Variants in ZNRF1 observed in about 807,000 individuals in gnomAD.
ZNRF1 encodes the protein E3 ubiquitin-protein ligase ZNRF1.
A neutral mutation model predicts 18.4 loss-of-function variants in ZNRF1; 3 were observed. That is an observed-to-expected ratio of 0.16 (90% CI 0.07 to 0.42). The LOEUF is 0.42. Among genes scored for constraint, ZNRF1 ranks in the 10% least tolerant of loss-of-function variants. The pLI, the probability that ZNRF1 is intolerant of heterozygous loss-of-function variation, is 0.99. For missense variants in ZNRF1, 310 were observed against 329.8 expected, an observed-to-expected ratio of 0.94 and a Z score of 0.47; for synonymous variants, 157 against 144.2, an observed-to-expected ratio of 1.09 and a Z score of -0.64.
chr16:75,080,943 G>T (rs1372541239), intron 1 of ZNRF1, among the ~76,000 whole-genome samples: 3 of 152,100 alleles, frequency 2.0e-5, no homozygotes, highest in South Asian at 4.1e-4. Flanking sequence ...GGAGGCCAAG[G>T]TGGGCGGATC....
At chr16:75,106,318 C>T in intron 3 of ZNRF1, 164 bp from the exon 4 acceptor site, 1 of 670,874 alleles carries the variant, frequency 1.5e-6, no homozygotes, top group South Asian at 1.8e-5. Context: ...CTTCTTCGTG[C>T]TTCAGAAAGT....
intron 1 of ZNRF1, among the ~76,000 whole-genome samples, chr16:75,057,310 A>G (rs1211401012): frequency 6.6e-6 from 1 of 152,198 alleles, no homozygotes; most frequent in Non-Finnish European, 1.5e-5. Context: ...AGATGGTGAC[A>G]GTTTTGTTTT....
intron 1 of ZNRF1, among the ~76,000 whole-genome samples, chr16:75,023,545 G>A (rs566731476): frequency 3.3e-5 from 5 of 152,092 alleles, no homozygotes; most frequent in Admixed American, 6.6e-5. Flanking sequence ...TTAGTTGGGC[G>A]TGGTGGCAGG....
intron 1 of ZNRF1, among the ~76,000 whole-genome samples, chr16:75,055,140 A>G (rs1301404298): frequency 6.6e-6 from 1 of 152,210 alleles, no homozygotes. Flanking sequence ...TGCTGCATTG[A>G]TGCAGGGAGT....
chr16:75,040,299 G>T (rs1341338147), intron 1 of ZNRF1, among the ~76,000 whole-genome samples: 1 of 151,660 alleles, frequency 6.6e-6, no homozygotes, highest in East Asian at 1.9e-4. Flanking sequence ...CTGCCACCTA[G>T]GCTGGAGTAC....
intron 1 of ZNRF1, among the ~76,000 whole-genome samples, chr16:75,005,600 C>T (rs549409449): frequency 5.3e-5 from 8 of 152,180 alleles, no homozygotes; most frequent in Non-Finnish European, 1.0e-4. Flanking sequence ...CGTTCCAATA[C>T]CCACAGTGGA....
chr16:75,104,703 A>C (rs562314601), intron 2 of ZNRF1, 81 bp from the exon 3 acceptor site: 4 of 1,253,276 alleles, frequency 3.2e-6, no homozygotes, highest in Non-Finnish European at 4.5e-6. Context: ...GCAGTCCCCT[A>C]GTTCCTAGGC....
intron 1 of ZNRF1, among the ~76,000 whole-genome samples, chr16:75,079,361 T>G (rs1468457551): frequency 6.6e-6 from 1 of 152,136 alleles, no homozygotes; most frequent in African/African-American, 2.4e-5. Flanking sequence ...ACGCCTATAG[T>G]CCCAGCTACT....
Position 74,999,633 on chromosome 16 carries a change from C to A in ZNRF1, c.-39C>A. On this transcript the variant is annotated 5_prime_UTR_variant, in exon 1 of 5. Coordinates refer to ENST00000335325, the MANE Select transcript of ZNRF1 (RefSeq NM_032268.5). ...GCTGCTGAGAAGTGGGGGAGGGTCT[C>A]GGCCTCCAGGTTCCCGCCCCACCGG... 2 of 1,312,180 alleles carry A rather than the reference C, an allele frequency of 1.5e-6. No individual in the cohort carries two copies. The highest frequency in any genetic ancestry group is 1.9e-6 in the Non-Finnish European group (2 of 1,031,978). The allele number at this position is 1,312,180 out of a possible 1,614,324, so 81.3% of individuals were successfully genotyped here.
At chr16:75,034,508 C>T (rs749804852) in intron 1 of ZNRF1, among the ~76,000 whole-genome samples, 2 of 152,212 alleles carry the variant, frequency 1.3e-5, no homozygotes, top group African/African-American at 4.8e-5. Flanking sequence ...TGTTTGTCCC[C>T]ATTCATGCAT....
At chr16:75,017,839 C>T (rs940676701) in intron 1 of ZNRF1, among the ~76,000 whole-genome samples, 5 of 152,176 alleles carry the variant, frequency 3.3e-5, no homozygotes, top group Non-Finnish European at 5.9e-5. Context: ...AAGTTTGGCT[C>T]AGCTGAGCCA....
At chr16:75,087,116 T>C (rs973856853) in intron 1 of ZNRF1, among the ~76,000 whole-genome samples, 3 of 152,228 alleles carry the variant, frequency 2.0e-5, no homozygotes, top group Admixed American at 6.5e-5. Flanking sequence ...ATAAATGTTG[T>C]AGTGGATTGG....
At chr16:75,009,415 C>G (rs141356682) in intron 1 of ZNRF1, among the ~76,000 whole-genome samples, 1 of 152,182 alleles carries the variant, frequency 6.6e-6, no homozygotes, top group African/African-American at 2.4e-5. Flanking sequence ...TTTCACTTAG[C>G]GTAGTGTCCT....
chr16:75,041,402 T>C (rs2035445403), intron 1 of ZNRF1, among the ~76,000 whole-genome samples: 1 of 152,154 alleles, frequency 6.6e-6, no homozygotes, highest in Non-Finnish European at 1.5e-5. Flanking sequence ...TGATCTCAGC[T>C]CACTGCAGCC....
At chr16:75,056,258 C>T (rs1326438980) in intron 1 of ZNRF1, among the ~76,000 whole-genome samples, 2 of 152,184 alleles carry the variant, frequency 1.3e-5, no homozygotes, top group East Asian at 3.9e-4. Context: ...CTATTCAGCC[C>T]AGCGTGTAAG....
chr16:75,072,189 C>T (rs1235609635), intron 1 of ZNRF1, among the ~76,000 whole-genome samples: 1 of 152,002 alleles, frequency 6.6e-6, no homozygotes, highest in Admixed American at 6.5e-5. Flanking sequence ...CCTGGCTGGT[C>T]TCGAACCCCT....
At chr16:75,061,380 C>T (rs781389346) in intron 1 of ZNRF1, among the ~76,000 whole-genome samples, 5 of 151,788 alleles carry the variant, frequency 3.3e-5, no homozygotes, top group African/African-American at 4.8e-5. Context: ...GTTTTTAGAT[C>T]CCACCAATAA....
chr16:75,029,499 G>T (rs1479532722), intron 1 of ZNRF1, among the ~76,000 whole-genome samples: 1 of 152,150 alleles, frequency 6.6e-6, no homozygotes, highest in African/African-American at 2.4e-5. Context: ...GGACTCAGTG[G>T]CTCACACTTA....
chr16:75,036,537 T>A (rs2035377737), intron 1 of ZNRF1, among the ~76,000 whole-genome samples: 1 of 152,180 alleles, frequency 6.6e-6, no homozygotes, highest in East Asian at 1.9e-4. Flanking sequence ...ATCTTGCTTA[T>A]TTGTTTCCTA....
Sources: allele counts gnomAD v4.1 joint callset (sites outside exome capture counted in the v4.1 genomes callset), GRCh38; gene constraint gnomAD v4.1.1; transcripts MANE v1.5; gene names NCBI Gene and HGNC (gene_info 2026-07-23, HGNC 2026-07-21).